The following PHKA2 variants were observed in gnomAD, a reference collection of about 807,000 sequenced individuals.
PHKA2 encodes the protein phosphorylase b kinase regulatory subunit alpha, liver isoform.
A neutral mutation model predicts 102.0 loss-of-function variants in PHKA2; 31 were observed. That is an observed-to-expected ratio of 0.30 (90% CI 0.23 to 0.41). The LOEUF is 0.41. Among genes scored for constraint, PHKA2 ranks in the 10% least tolerant of loss-of-function variants. The pLI, the probability that PHKA2 is intolerant of heterozygous loss-of-function variation, is 1.00. For missense variants in PHKA2, 858 were observed against 1,023.1 expected, an observed-to-expected ratio of 0.84 and a Z score of 2.20; for synonymous variants, 455 against 416.2, an observed-to-expected ratio of 1.09 and a Z score of -1.13.
At chrX:18,926,958 T>G (rs1367726495) in intron 13 of PHKA2, among the ~76,000 whole-genome samples, 1 of 110,640 alleles carries the variant, frequency 9.0e-6, no homozygotes, top group Non-Finnish European at 1.9e-5. Context: ...GGGTCAGGAG[T>G]GGAAACAGCT....
rs373100369 is a variant in PHKA2, at chrX:18,961,465, C to T, written c.79-7053G>A. ...ATGAGGTCAGGAGTTTGCGAACAGC[C>T]TGACCAACATGGTGAAACCCTGTCT... On this transcript the variant is annotated intron_variant, in intron 1 of 32. Transcript: ENST00000379942. Among the ~76,000 whole-genome samples, 48 of 109,871 alleles carry T rather than the reference C, an allele frequency of 4.4e-4. 1 individual carries two copies. The highest frequency in any genetic ancestry group is 1.6e-3 in the African/African-American group (48 of 30,181).
chrX:18,973,612 A>C (rs188979410), intron 1 of PHKA2, among the ~76,000 whole-genome samples: 1 of 112,017 alleles, frequency 8.9e-6, no homozygotes, highest in African/African-American at 3.2e-5. Context: ...GGTATTGGCC[A>C]TCTGAAAGGA....
At chrX:18,964,040 T>G (rs2082164577) in intron 1 of PHKA2, among the ~76,000 whole-genome samples, 1 of 110,945 alleles carries the variant, frequency 9.0e-6, no homozygotes, top group African/African-American at 3.3e-5. Context: ...CTCCTCAGAA[T>G]TCTCCAGTGC....
intron 1 of PHKA2, among the ~76,000 whole-genome samples, chrX:18,967,941 C>A (rs2048967329): frequency 9.0e-6 from 1 of 111,177 alleles, no homozygotes; most frequent in Non-Finnish European, 1.9e-5. Context: ...CTGGAGACCC[C>A]CTAAGAGCTT....
rs2048269034 is a variant in PHKA2, at chrX:18,929,153, A to T, written c.1324+75T>A. 13 of 743,114 alleles carry T rather than the reference A, an allele frequency of 1.7e-5. No individual in the cohort carries two copies. In the South Asian group the frequency reaches 3.0e-4, roughly 17 times the overall value. 61.2% of individuals were successfully genotyped at this position (743,114 alleles called of 1,213,427 possible). ...CACACTTTAAAAAAATTAAATAAGA[A>T]ACTAGGCAACAATTTGAATTAAAAT... is the stretch of plus-strand genomic sequence containing the variant. On this transcript the variant is annotated intron_variant, in intron 13 of 32. Transcript: ENST00000379942.
Position 18,938,499 on chromosome X carries a change from A to G in PHKA2, c.1041+128T>C, listed in dbSNP as rs184516077. On this transcript the variant is annotated intron_variant, in intron 10 of 32. Transcript: ENST00000379942. ...GCTTTAATTCACTCAGTTTTGGGAA[A>G]GTTTGCTAAGTGGGAACAGATAACC... 56 of 661,352 alleles carry G rather than the reference A, an allele frequency of 8.5e-5. No individual in the cohort carries two copies. In the East Asian group the frequency reaches 1.8e-3, roughly 22 times the overall value. The allele number at this position is 661,352 out of a possible 1,213,427, so 54.5% of individuals were successfully genotyped here.
intron 11 of PHKA2, 136 bp downstream of exon 11, chrX:18,935,919 C>T (rs2048386576): frequency 1.1e-5 from 6 of 524,823 alleles, no homozygotes; most frequent in South Asian, 5.0e-5. Flanking sequence ...CCCAGCCTAC[C>T]TAAGGCTTTT....
At chrX:18,978,761 T>C (rs779737738) in intron 1 of PHKA2, among the ~76,000 whole-genome samples, 33 of 111,746 alleles carry the variant, frequency 3.0e-4, no homozygotes, top group African/African-American at 5.8e-4. Flanking sequence ...CATATATTAA[T>C]GGTAATGCTT....
intron 17 of PHKA2, among the ~76,000 whole-genome samples, chrX:18,920,974 T>C (rs776900515): frequency 1.8e-5 from 2 of 112,057 alleles, no homozygotes; most frequent in East Asian, 2.8e-4. Context: ...AAGAGTCAAT[T>C]GAGGCATATG....
intron 1 of PHKA2, among the ~76,000 whole-genome samples, chrX:18,966,746 G>A (rs1302678066): frequency 8.9e-6 from 1 of 111,865 alleles, no homozygotes; most frequent in Non-Finnish European, 1.9e-5. Flanking sequence ...CTGTCAGCCA[G>A]TCCCTGTCTA....
At chrX:18,928,654 G>A (rs182257359) in intron 13 of PHKA2, among the ~76,000 whole-genome samples, 33 of 112,567 alleles carry the variant, frequency 2.9e-4, no homozygotes, top group African/African-American at 9.3e-4. Flanking sequence ...ACTACACCAA[G>A]CGCTTTCCCA....
chrX:18,944,930 T>TG (rs1390511951), intron 6 of PHKA2, 148 bp downstream of exon 6: 1 of 518,585 alleles, frequency 1.9e-6, no homozygotes, highest in Non-Finnish European at 3.5e-6. Context: ...TTCAGGTGGC[T>TG]GGGGTAACTG....
At chrX:18,939,890 C>T in intron 9 of PHKA2, 105 bp downstream of exon 9, 1 of 644,414 alleles carries the variant, frequency 1.6e-6, no homozygotes, top group Non-Finnish European at 2.6e-6. Flanking sequence ...ACTTCCCTTT[C>T]CAATATTCCA....
At chrX:18,935,633 C>T (rs1247889244) in intron 11 of PHKA2, among the ~76,000 whole-genome samples, 2 of 108,392 alleles carry the variant, frequency 1.8e-5, no homozygotes, top group Non-Finnish European at 1.9e-5. Context: ...GATGGAGTCT[C>T]GTTCTGTAGC....
chrX:18,930,821 G>T (rs1156765313), intron 12 of PHKA2, among the ~76,000 whole-genome samples: 4 of 110,733 alleles, frequency 3.6e-5, no homozygotes, highest in Non-Finnish European at 7.6e-5. Flanking sequence ...TTCCACGGTG[G>T]TATCTTTCAT....
At chrX:18,943,836 T>C (rs756211492) in intron 6 of PHKA2, 28 bp from the exon 7 acceptor site, 1 of 1,034,225 alleles carries the variant, frequency 9.7e-7, no homozygotes, top group East Asian at 3.0e-5. Flanking sequence ...AGTTACTTTT[T>C]CTTTCTAATA....
intron 1 of PHKA2, among the ~76,000 whole-genome samples, chrX:18,975,556 T>C (rs779453589): frequency 1.4e-3 from 162 of 112,327 alleles, no homozygotes; most frequent in African/African-American, 5.1e-3. Context: ...AACTCTATCT[T>C]CCACCCTAAA....
intron 19 of PHKA2, among the ~76,000 whole-genome samples, chrX:18,914,099 G>A (rs947418641): frequency 1.4e-4 from 16 of 112,498 alleles, no homozygotes; most frequent in African/African-American, 3.9e-4. Context: ...GACTGGCAGC[G>A]CAGGAGGTTT....
chrX:18,968,194 A>T (rs1207719494), intron 1 of PHKA2, among the ~76,000 whole-genome samples: 3 of 111,586 alleles, frequency 2.7e-5, no homozygotes, highest in Non-Finnish European at 3.8e-5. Flanking sequence ...GGAGTTTGAG[A>T]CCAGCCTTGG....
Sources: allele counts gnomAD v4.1 joint callset (sites outside exome capture counted in the v4.1 genomes callset), GRCh38; gene constraint gnomAD v4.1.1; transcripts MANE v1.5; gene names NCBI Gene and HGNC (gene_info 2026-07-23, HGNC 2026-07-21).